The following SHC3 variants were observed in gnomAD, a reference collection of about 807,000 sequenced individuals.
The protein encoded by SHC3 is SHC adaptor protein 3, also known as SHC-transforming protein 3.
In SHC3, 15 loss-of-function variants were observed where a neutral mutation model predicts 60.4. That is an observed-to-expected ratio of 0.25 (90% confidence interval 0.17 to 0.38). The LOEUF (loss-of-function observed/expected upper bound fraction) is 0.38. Ranked by LOEUF, SHC3 falls within the 10% of genes least tolerant of loss-of-function variation. The probability of loss-of-function intolerance (pLI) is 1.00; values close to 1 mark genes in which losing one functional copy is unlikely to be tolerated. For synonymous variants in SHC3, 294 were observed against 325.9 expected (o/e 0.90, Z 1.05); for missense variants, 677 against 786.1 (o/e 0.86, Z 1.66).
At chr9:89,078,502 C>G (rs1244913141) in intron 2 of SHC3, among the ~76,000 whole-genome samples, 1 of 151,922 alleles carries the variant, frequency 6.6e-6, no homozygotes, top group Admixed American at 6.6e-5. Flanking sequence ...TCCATGGAAC[C>G]GCACTGGTGA....
At chr9:89,051,882 T>C (rs1472331298) in intron 7 of SHC3, among the ~76,000 whole-genome samples, 155 bp downstream of exon 7, 1 of 152,246 alleles carries the variant, frequency 6.6e-6, no homozygotes, top group African/African-American at 2.4e-5. Context: ...GTTGGCTTTC[T>C]GTGCCATATC....
chr9:89,061,059 A>G (rs1332366298), intron 6 of SHC3, among the ~76,000 whole-genome samples: 1 of 152,192 alleles, frequency 6.6e-6, no homozygotes, highest in African/African-American at 2.4e-5. Flanking sequence ...AAATATGTTC[A>G]GCATTCTCAG....
At chr9:89,150,361 C>T (rs1156268248) in intron 1 of SHC3, among the ~76,000 whole-genome samples, 1 of 152,086 alleles carries the variant, frequency 6.6e-6, no homozygotes, top group African/African-American at 2.4e-5. Flanking sequence ...ACAACCACTC[C>T]CCATCCTCTC....
intron 2 of SHC3, among the ~76,000 whole-genome samples, chr9:89,086,962 T>C (rs2118041547): frequency 6.6e-6 from 1 of 152,270 alleles, no homozygotes; most frequent in Admixed American, 6.5e-5. Context: ...TATACACATA[T>C]ATACAATAAA....
In SHC3 at chr9:89,165,199, T is replaced by C. The variant is rs181019427; in HGVS notation, c.474+12788A>G. Among the ~76,000 whole-genome samples the C allele has an allele frequency of 2.0e-4, 31 of 152,164 alleles. No individual in the cohort carries two copies. In the East Asian group the frequency reaches 6.0e-3, roughly 29 times the overall value. On this transcript the variant is annotated intron_variant, in intron 1 of 11. Coordinates refer to ENST00000375835, the MANE Select transcript of SHC3 (RefSeq NM_016848.6). The stretch of plus-strand genomic sequence containing the variant: ...AAGTCACAGATCAATATATGTAGAA[T>C]GTTTTGTGTTGTGTAAAAGAAAAGA...
chr9:89,024,733 C>T (rs1032395028), intron 11 of SHC3, among the ~76,000 whole-genome samples: 1 of 152,218 alleles, frequency 6.6e-6, no homozygotes, highest in Non-Finnish European at 1.5e-5. Context: ...TTTAACCTTA[C>T]ACTGGAGGTG....
rs989661626 is a variant in SHC3 at position 89,071,346 on chromosome 9, CAT to C, written c.730-96_730-95del. The C allele has an allele frequency of 4.7e-6, 6 of 1,277,944 alleles. No homozygotes were observed. In the African/African-American group the frequency reaches 8.9e-5, roughly 19 times the overall value. 79.2% of individuals were successfully genotyped at this position (1,277,944 alleles called of 1,614,324 possible). ...TTTGTTGGCAGGCATTACAAATTGACATGTTTTCCTGAAAATTGGTATCTATA... is the reference window on the plus strand; with the variant it reads ...TTTGTTGGCAGGCATTACAAATTGACGTTTTCCTGAAAATTGGTATCTATA... On this transcript the variant is annotated intron_variant, in intron 4 of 11. Transcript: ENST00000375835.
At chr9:89,083,125 T>A (rs1825472338) in intron 2 of SHC3, among the ~76,000 whole-genome samples, 1 of 152,152 alleles carries the variant, frequency 6.6e-6, no homozygotes, top group South Asian at 2.1e-4. Flanking sequence ...ATCACCACCC[T>A]GCCTCCATGG....
At position 89,045,727 on chromosome 9, in the gene SHC3, A is replaced by G. The variant is rs113713132; in HGVS notation, c.1201+19T>C. On this transcript the variant is annotated intron_variant, in intron 9 of 11. Coordinates refer to ENST00000375835, the MANE Select transcript of SHC3 (RefSeq NM_016848.6). ...AAAGTGTCTTTTGTGTTTCTCACCC[A>G]TCTCACCTTGCCTCTCACCTTGCCT... is the stretch of plus-strand genomic sequence containing the variant. 7.4e-6 allele frequency: 12 copies of G among 1,612,710 alleles called. No homozygotes were observed. In the East Asian group the frequency reaches 8.9e-5, roughly 12 times the overall value.
intron 1 of SHC3, among the ~76,000 whole-genome samples, chr9:89,155,694 C>T (rs1341382585): frequency 6.6e-6 from 1 of 152,164 alleles, no homozygotes; most frequent in African/African-American, 2.4e-5. Context: ...TCGTCATCTA[C>T]CTGTTTCTCC....
At chr9:89,118,522 T>A (rs192445629) in intron 1 of SHC3, among the ~76,000 whole-genome samples, 3 of 152,056 alleles carry the variant, frequency 2.0e-5, no homozygotes, top group Admixed American at 1.3e-4. Flanking sequence ...CACATTTTCA[T>A]GGCTCCCAGG....
chr9:89,059,312 GGAGGACGTTGT>G, intron 6 of SHC3, among the ~76,000 whole-genome samples: 1 of 32,292 alleles, frequency 3.1e-5, no homozygotes, highest in Non-Finnish European at 5.2e-5. Flanking sequence ...GGACGGTGGT[GGAGGACGTTGT>G]GGAGGATGGT....
intron 11 of SHC3, chr9:89,037,533 G>C: frequency 1.4e-6 from 1 of 717,014 alleles, no homozygotes; most frequent in Non-Finnish European, 2.6e-6. Flanking sequence ...TTCTCTAAAC[G>C]GGAAAACAAG....
At chr9:89,165,255 C>CATGTTTGTGTGT (rs1182321891) in intron 1 of SHC3, among the ~76,000 whole-genome samples, 2 of 133,004 alleles carry the variant, frequency 1.5e-5, no homozygotes, top group African/African-American at 6.4e-5. Flanking sequence ...AAGAAAAAGA[C>CATGTTTGTGTGT]GTGTTTGTGT....
At chr9:89,077,718 A>T in intron 3 of SHC3, 122 bp downstream of exon 3, 1 of 1,180,556 alleles carries the variant, frequency 8.5e-7, no homozygotes, top group Non-Finnish European at 1.2e-6. Flanking sequence ...TGCTTTTAGA[A>T]GTAGCAAGCG....
At chr9:89,104,955 C>T (rs955529200) in intron 2 of SHC3, among the ~76,000 whole-genome samples, 1 of 152,150 alleles carries the variant, frequency 6.6e-6, no homozygotes, top group Non-Finnish European at 1.5e-5. Context: ...TCGCCATGCC[C>T]GGGATGAGCA....
At chr9:89,067,622 G>A (rs1261058948) in intron 5 of SHC3, among the ~76,000 whole-genome samples, 1 of 152,166 alleles carries the variant, frequency 6.6e-6, no homozygotes, top group Non-Finnish European at 1.5e-5. Context: ...TGAAGTTTCT[G>A]CTTGAATAGA....
intron 2 of SHC3, among the ~76,000 whole-genome samples, chr9:89,096,394 C>T (rs958642348): frequency 1.1e-4 from 17 of 152,098 alleles, no homozygotes; most frequent in African/African-American, 4.1e-4. Flanking sequence ...AAGCTAATTT[C>T]CATGAACACT....
chr9:89,053,288 T>C (rs547246175), intron 6 of SHC3, among the ~76,000 whole-genome samples: 1 of 152,168 alleles, frequency 6.6e-6, no homozygotes, highest in African/African-American at 2.4e-5. Flanking sequence ...GTCCCTGCAG[T>C]GAGGAGGATG....
Sources: allele counts gnomAD v4.1 joint callset (sites outside exome capture counted in the v4.1 genomes callset), GRCh38; gene constraint gnomAD v4.1.1; transcripts MANE v1.5; gene names NCBI Gene and HGNC (gene_info 2026-07-23, HGNC 2026-07-21).